The following CPSF3 variants were observed in gnomAD, a reference collection of about 807,000 sequenced individuals.
CPSF3 encodes cleavage and polyadenylation specificity factor subunit 3.
CPSF3 carries 57 observed loss-of-function variants against 84.1 expected under a neutral mutation model. The observed-to-expected ratio is 0.68, with a 90% CI of 0.55 to 0.85. CPSF3 has a LOEUF of 0.85. Ranked by LOEUF, CPSF3 falls within the 40% of genes least tolerant of loss-of-function variation. The pLI, the probability that CPSF3 is intolerant of heterozygous loss-of-function variation, is 0.00. For missense variants in CPSF3, 522 were observed against 838.8 expected (o/e 0.62, Z 4.66); for synonymous variants, 275 against 278.1 (o/e 0.99, Z 0.11).
intron 17 of CPSF3, among the ~76,000 whole-genome samples, 167 bp downstream of exon 17, chr2:9,471,606 T>C (rs1682166544): frequency 6.6e-6 from 1 of 152,150 alleles, no homozygotes; most frequent in African/African-American, 2.4e-5. Flanking sequence ...ATGGTTGAAG[T>C]TTTCCGTGTT....
chr2:9,435,350 A>G (rs1340846741), intron 6 of CPSF3, among the ~76,000 whole-genome samples: 2 of 152,234 alleles, frequency 1.3e-5, no homozygotes, highest in Admixed American at 1.3e-4. Context: ...CAAAATGGTT[A>G]AAAAAGGACA....
At chr2:9,449,737 G>C (rs536040288) in intron 11 of CPSF3, among the ~76,000 whole-genome samples, 1 of 152,064 alleles carries the variant, frequency 6.6e-6, no homozygotes, top group African/African-American at 2.4e-5. Flanking sequence ...GCAAGACCTT[G>C]TCTCAAAAAA....
chr2:9,453,250 T>C (rs1031584970), intron 12 of CPSF3, among the ~76,000 whole-genome samples: 10 of 152,230 alleles, frequency 6.6e-5, no homozygotes, highest in African/African-American at 2.2e-4. Flanking sequence ...GAAACATAAG[T>C]TCATTTCTGA....
chr2:9,469,736 G>A (rs1682098747), intron 16 of CPSF3, among the ~76,000 whole-genome samples: 1 of 152,098 alleles, frequency 6.6e-6, no homozygotes, highest in Non-Finnish European at 1.5e-5. Flanking sequence ...GGAATGGGAG[G>A]TTCCCATGTC....
At chr2:9,450,788 A>T (rs918593881) in intron 11 of CPSF3, among the ~76,000 whole-genome samples, 1 of 152,214 alleles carries the variant, frequency 6.6e-6, no homozygotes, top group East Asian at 1.9e-4. Flanking sequence ...ACTCCGTCTT[A>T]AAAAAGCAAC....
intron 15 of CPSF3, among the ~76,000 whole-genome samples, chr2:9,466,208 G>GCGCACACA (rs1681909160): frequency 6.8e-6 from 1 of 147,534 alleles, no homozygotes; most frequent in Admixed American, 6.7e-5. Context: ...ACACACACAC[G>GCGCACACA]CGCACACACG....
At chr2:9,460,204 C>T (rs1056650945) in intron 15 of CPSF3, among the ~76,000 whole-genome samples, 5 of 152,152 alleles carry the variant, frequency 3.3e-5, no homozygotes, top group African/African-American at 4.8e-5. Flanking sequence ...GCCGGGCGCA[C>T]GGATCACAAG....
rs551122775 is a variant in CPSF3 at position 9,429,223 on chromosome 2, C to T, written c.114+395C>T. Among the ~76,000 whole-genome samples the T allele has an allele frequency of 7.2e-5, 11 of 152,338 alleles. No individual in the cohort carries two copies. The South Asian group carries it at 2.3e-3, about 32-fold the overall frequency. ...GCCTTGGCCTAGAAGCTTGGATCCC[C>T]AGGTCCCACTGGGGCTGCCGGCCTT... On this transcript the variant is annotated intron_variant, in intron 2 of 17. Coordinates refer to ENST00000238112, the MANE Select transcript of CPSF3 (RefSeq NM_016207.4).
intron 1 of CPSF3, 48 bp downstream of exon 1, chr2:9,423,871 G>T (rs1362647388): frequency 6.2e-7 from 1 of 1,604,718 alleles, no homozygotes; most frequent in African/African-American, 1.3e-5. Context: ...TGTGAGGGGC[G>T]CGAGGGGTAA....
At chr2:9,451,543 C>A (rs543308531) in intron 11 of CPSF3, among the ~76,000 whole-genome samples, 2 of 151,896 alleles carry the variant, frequency 1.3e-5, no homozygotes, top group African/African-American at 4.8e-5. Context: ...GCAGGCAGAT[C>A]CCTTAAGCTC....
intron 1 of CPSF3, chr2:9,424,820 T>C (rs1680309414): frequency 6.6e-6 from 1 of 152,224 alleles, no homozygotes; most frequent in Non-Finnish European, 1.5e-5. Flanking sequence ...ATTGGAGAGA[T>C]ACTTTGGAAT....
intron 14 of CPSF3, among the ~76,000 whole-genome samples, 165 bp from the exon 15 acceptor site, chr2:9,459,366 A>C (rs1446353023): frequency 6.6e-6 from 1 of 152,200 alleles, no homozygotes; most frequent in African/African-American, 2.4e-5. Flanking sequence ...TTAGAGGACT[A>C]TAGTATTATT....
Position 9,451,474 on chromosome 2 carries a change from T to C in CPSF3, c.1396-1439T>C, listed in dbSNP as rs534747909. On this transcript the variant is annotated intron_variant, in intron 11 of 17. Coordinates refer to ENST00000238112, the MANE Select transcript of CPSF3 (RefSeq NM_016207.4). Reference sequence around the variant, plus strand: ...TGAGAGAAGTTATATTTAAGAATACTGGGTTTCAGCCAGGCTTGGTGGCTC... The same window carrying C: ...TGAGAGAAGTTATATTTAAGAATACCGGGTTTCAGCCAGGCTTGGTGGCTC... 3.3e-5 allele frequency among the ~76,000 whole-genome samples: 5 copies of C among 152,212 alleles called. No individual in the cohort carries two copies. The South Asian group carries it at 1.0e-3, about 32-fold the overall frequency.
intron 15 of CPSF3, among the ~76,000 whole-genome samples, chr2:9,466,390 G>T (rs116235424): frequency 1.3e-5 from 1 of 75,702 alleles, no homozygotes; most frequent in Non-Finnish European, 3.9e-5. Flanking sequence ...TCGCACACAC[G>T]CGCACACACA....
chr2:9,435,752 AG>A (rs1187266905), intron 6 of CPSF3, among the ~76,000 whole-genome samples: 9 of 146,016 alleles, frequency 6.2e-5, no homozygotes, highest in Non-Finnish European at 3.0e-5. Flanking sequence ...TATTTTTTTG[AG>A]ATGGAGTCTT....
intron 11 of CPSF3, among the ~76,000 whole-genome samples, chr2:9,449,523 C>T (rs1681244817): frequency 6.6e-6 from 1 of 152,156 alleles, no homozygotes; most frequent in South Asian, 2.1e-4. Flanking sequence ...AGGCGAATCG[C>T]TTTAGCTCAG....
intron 6 of CPSF3, among the ~76,000 whole-genome samples, chr2:9,435,403 GT>G (rs777843108): frequency 7.9e-5 from 12 of 151,536 alleles, no homozygotes; most frequent in Non-Finnish European, 1.5e-4. Context: ...TTTATAAAAA[GT>G]TCTTAGATTT....
intron 1 of CPSF3, chr2:9,424,328 G>T: frequency 1.2e-6 from 1 of 869,480 alleles, no homozygotes; most frequent in South Asian, 5.2e-5. Flanking sequence ...GATCTTCTCA[G>T]CTCAGGCCCT....
chr2:9,455,659 A>G lies in CPSF3; in HGVS notation c.1505A>G (p.Asn502Ser), dbSNP rs1396703089. 6.2e-7 allele frequency: 1 copy of G among 1,610,640 alleles called. No homozygotes were observed. Among genetic ancestry groups the G allele is most frequent in the East Asian group, 2.2e-5 (1 of 44,820 alleles). Residue 502 changes from asparagine (N) to serine (S), a missense_variant and splice_region_variant, in exon 13 of 18, where the codon AAT becomes AGT. Coordinates refer to ENST00000238112, the MANE Select transcript of CPSF3 (RefSeq NM_016207.4). ...YHILSPCDLSNYTDLAMSTVK... is the reference protein window; with the variant it reads ...YHILSPCDLSSYTDLAMSTVK... ...AAGTCTCTTCTCATTTTCTCTTCAG[A>G]TTATACTGACCTGGCCATGAGCACG...
Sources: allele counts gnomAD v4.1 joint callset (sites outside exome capture counted in the v4.1 genomes callset), GRCh38; gene constraint gnomAD v4.1.1; transcripts MANE v1.5; gene names NCBI Gene and HGNC (gene_info 2026-07-23, HGNC 2026-07-21).